The following ANXA4 variants were observed in gnomAD, a reference collection of about 807,000 sequenced individuals.
ANXA4 encodes the protein 35-beta calcimedin.
A neutral mutation model predicts 49.8 loss-of-function variants in ANXA4; 39 were observed. The observed-to-expected ratio is 0.78, with a 90% CI of 0.61 to 1.02. ANXA4 has a LOEUF of 1.02. Ranked by LOEUF, ANXA4 falls within the 50% of genes least tolerant of loss-of-function variation. The pLI is 0.00. For missense variants in ANXA4, 360 were observed against 410.1 expected (o/e 0.88, Z 1.05); for synonymous variants, 134 against 152.5 (o/e 0.88, Z 0.89).
At chr2:69,677,510 G>C (rs186245910) in intron 2 of ANXA4, among the ~76,000 whole-genome samples, 1 of 152,162 alleles carries the variant, frequency 6.6e-6, no homozygotes, top group African/African-American at 2.4e-5. Context: ...GATTACAGGC[G>C]TGAGCCACTG....
At chr2:69,794,522 ATTATGTTATG>A (rs58396740) in intron 3 of ANXA4, among the ~76,000 whole-genome samples, 56 of 126,376 alleles carry the variant, frequency 4.4e-4, no homozygotes, top group South Asian at 9.8e-4. Flanking sequence ...GTTATGTTAT[ATTATGTTATG>A]TTATGTTATG....
intron 2 of ANXA4, among the ~76,000 whole-genome samples, chr2:69,700,732 A>G (rs1678304195): frequency 1.3e-5 from 2 of 152,198 alleles, no homozygotes; most frequent in Admixed American, 6.5e-5. Context: ...TGAATTCACC[A>G]TTGTTGGGCA....
At chr2:69,814,572 C>T (rs1472581615) in intron 8 of ANXA4, among the ~76,000 whole-genome samples, 1 of 151,792 alleles carries the variant, frequency 6.6e-6, no homozygotes, top group Non-Finnish European at 1.5e-5. Flanking sequence ...TGGTCTCAAA[C>T]TCCTGGGCTC....
At chr2:69,756,105 G>T (rs1671028942) in intron 1 of ANXA4, among the ~76,000 whole-genome samples, 1 of 152,208 alleles carries the variant, frequency 6.6e-6, no homozygotes, top group Admixed American at 6.5e-5. Flanking sequence ...ACACATCAGG[G>T]TGTCCTTTCC....
chr2:69,666,743 C>G (rs1676952442), intron 2 of ANXA4, among the ~76,000 whole-genome samples: 1 of 152,082 alleles, frequency 6.6e-6, no homozygotes, highest in South Asian at 2.1e-4. Context: ...AACAAAGGAC[C>G]ACATATAATA....
chr2:69,741,278 G>C (rs895186026), upstream of ANXA4, among the ~76,000 whole-genome samples: 1 of 152,164 alleles, frequency 6.6e-6, no homozygotes, highest in Non-Finnish European at 1.5e-5. Context: ...CATTCACTAC[G>C]TGGCGAAATC....
intron 1 of ANXA4, among the ~76,000 whole-genome samples, chr2:69,651,533 C>T (rs1240277806): frequency 6.6e-6 from 1 of 151,988 alleles, no homozygotes; most frequent in Non-Finnish European, 1.5e-5. Flanking sequence ...GACAGAGTCT[C>T]GCTCTGTCGC....
intron 1 of ANXA4, among the ~76,000 whole-genome samples, chr2:69,745,151 GC>G (rs2105476141): frequency 6.6e-6 from 1 of 152,248 alleles, no homozygotes; most frequent in South Asian, 2.1e-4. Flanking sequence ...GTGCATGCTA[GC>G]CAGCAGCCCT....
Position 69,804,586 on chromosome 2 carries a change from C to A in ANXA4, c.151C>A (p.Arg51Ser). Residue 51 changes from arginine (R) to serine (S), a missense_variant, in exon 4 of 13, where the codon CGC becomes AGC. Physicochemically the swap from Arg to Ser is moderately radical, Grantham distance 110. Coordinates refer to ENST00000394295, the MANE Select transcript of ANXA4 (RefSeq NM_001153.5). ...CCTTGCCTACCGCAACACCGCCCAGCGCCAGGAGATCAGGACAGCCTACAA... is the reference window on the plus strand; with the variant it reads ...CCTTGCCTACCGCAACACCGCCCAGAGCCAGGAGATCAGGACAGCCTACAA... The part of the protein sequence containing the change: ...SVLAYRNTAQ[R>S]QEIRTAYKST... The A allele has an allele frequency of 6.2e-7, 1 of 1,613,902 alleles. No individual in the cohort carries two copies. The highest frequency in any genetic ancestry group is 8.5e-7 in the Non-Finnish European group (1 of 1,179,916).
At chr2:69,794,308 C>A (rs1286899569) in intron 3 of ANXA4, among the ~76,000 whole-genome samples, 2 of 152,216 alleles carry the variant, frequency 1.3e-5, no homozygotes, top group Admixed American at 6.5e-5. Context: ...ACCAGCAAAG[C>A]CTCCACTGTA....
chr2:69,718,763 ATACACACACATT>A (rs1388281793), intron 2 of ANXA4, among the ~76,000 whole-genome samples: 1 of 144,916 alleles, frequency 6.9e-6, no homozygotes, highest in Admixed American at 6.6e-5. Flanking sequence ...ATACACACAC[ATACACACACATT>A]CACACACATG....
intron 1 of ANXA4, among the ~76,000 whole-genome samples, chr2:69,770,818 G>A (rs1352916564): frequency 4.6e-5 from 7 of 151,984 alleles, no homozygotes; most frequent in Admixed American, 1.3e-4. Flanking sequence ...TGCCAGGCAT[G>A]GTGGTTCACA....
intron 2 of ANXA4, among the ~76,000 whole-genome samples, chr2:69,702,671 C>T (rs1678369378): frequency 6.6e-6 from 1 of 152,132 alleles, no homozygotes; most frequent in South Asian, 2.1e-4. Context: ...TATGATTGTA[C>T]CACTGTACTC....
chr2:69,649,607 T>C (rs13021483), intron 1 of ANXA4, among the ~76,000 whole-genome samples: 3 of 134,572 alleles, frequency 2.2e-5, no homozygotes, highest in African/African-American at 5.6e-5. Context: ...TTCTTTCTTT[T>C]TTTTTTTTTT....
intron 2 of ANXA4, among the ~76,000 whole-genome samples, chr2:69,709,503 C>T (rs2048255): frequency 0.22 from 32,904 of 152,066 alleles, 4,158 homozygotes; most frequent in East Asian, 0.37. Context: ...AGCACAGACA[C>T]GCTCTCTTCT....
chr2:69,691,034 T>A (rs1255866058), intron 2 of ANXA4, among the ~76,000 whole-genome samples: 1 of 152,204 alleles, frequency 6.6e-6, no homozygotes, highest in Non-Finnish European at 1.5e-5. Context: ...CCTTTTAATA[T>A]TCCTTATGTG....
At chr2:69,658,617 G>A (rs972758656) in intron 2 of ANXA4, among the ~76,000 whole-genome samples, 2 of 152,118 alleles carry the variant, frequency 1.3e-5, no homozygotes, top group Non-Finnish European at 2.9e-5. Flanking sequence ...TCATTTCAAA[G>A]CACCTTTTCA....
intron 1 of ANXA4, among the ~76,000 whole-genome samples, chr2:69,755,090 G>C (rs891646241): frequency 2.6e-5 from 4 of 152,252 alleles, no homozygotes; most frequent in Admixed American, 1.3e-4. Context: ...TCCAGACACA[G>C]AAGGATAAAT....
chr2:69,739,572 ATTT>A (rs748559398), upstream of ANXA4, among the ~76,000 whole-genome samples: 1 of 140,672 alleles, frequency 7.1e-6, no homozygotes. Context: ...GGCTTGGCTA[ATTT>A]TTTTTTTTTT....
Sources: gnomAD v4.1 joint callset for allele counts (sites outside exome capture counted in the v4.1 genomes callset) on GRCh38, gnomAD v4.1.1 for gene constraint, MANE v1.5 for transcripts, NCBI Gene and HGNC (gene_info 2026-07-23, HGNC 2026-07-21) for gene names.